Variants in ANKK1 observed in about 807,000 individuals in gnomAD.
ANKK1 encodes ankyrin repeat and kinase domain containing 1, also known as ankyrin repeat and protein kinase domain-containing protein 1.
ANKK1 carries 37 observed loss-of-function variants against 37.6 expected under a neutral mutation model. That is an observed-to-expected ratio of 0.98 (90% CI 0.76 to 1.29). The LOEUF is 1.29. Ranked by LOEUF, ANKK1 falls within the 50% of genes most tolerant of loss-of-function variation. The probability of loss-of-function intolerance (pLI) is 0.00; values close to 1 mark genes in which losing one functional copy is unlikely to be tolerated. For missense variants in ANKK1, 1,019 were observed against 990.6 expected (o/e 1.03, Z -0.39); for synonymous variants, 415 against 418.7 (o/e 0.99, Z 0.11).
intron 5 of ANKK1, among the ~76,000 whole-genome samples, chr11:113,396,795 C>A (rs567602432): frequency 6.6e-6 from 1 of 152,150 alleles, no homozygotes; most frequent in East Asian, 1.9e-4. Flanking sequence ...AAGGCAGAAG[C>A]CACAGCATCT....
intron 1 of ANKK1, among the ~76,000 whole-genome samples, chr11:113,392,295 C>A (rs1950593552): frequency 6.6e-6 from 1 of 152,186 alleles, no homozygotes; most frequent in Non-Finnish European, 1.5e-5. Flanking sequence ...CATGCCATGG[C>A]AGATGTCATT....
rs905718104 is a variant in ANKK1, at chr11:113,387,965, A to G, written c.81A>G (p.Leu27=). 6 of 1,575,020 alleles carry G rather than the reference A, an allele frequency of 3.8e-6. No individual in the cohort carries two copies. In the African/African-American group the frequency reaches 5.4e-5, roughly 14 times the overall value. ...ACGACTTCGAGGGCGACTGGCGCCT[A>G]GTGGCCAGCGGCGGCTTCAGCCAGG... ...TRDDFEGDWR[L]VASGGFSQVF... is the part of the protein sequence containing the mutation. The change falls in exon 1 of 8, where the codon CTA becomes CTG. Residue 27 remains leucine (L), a synonymous_variant. Transcript: ENST00000303941.
chr11:113,398,288 C>G (rs1202037755), intron 7 of ANKK1, among the ~76,000 whole-genome samples: 3 of 144,104 alleles, frequency 2.1e-5, no homozygotes, highest in Non-Finnish European at 4.5e-5. Context: ...TCAAGGCTGG[C>G]TGCATGTTAG....
At position 113,399,774 on chromosome 11, in the gene ANKK1, A is replaced by T; in HGVS notation, c.1805A>T (p.Tyr602Phe). ...TGGACACCCCTGCATCTAGCAGCCT[A>T]CAAGGGCCACCTGGAGATCATCCAT... ...QGWTPLHLAA[Y>F]KGHLEIIHLL... Residue 602 changes from tyrosine to phenylalanine, a missense_variant, in exon 8 of 8, where the codon TAC becomes TTC. By Grantham distance (22) the Tyr-to-Phe change is conservative (BLOSUM62 3). Transcript: ENST00000303941. The T allele has an allele frequency of 6.2e-7, 1 of 1,603,554 alleles. No individual in the cohort carries two copies. The highest frequency in any genetic ancestry group is 8.5e-7 in the Non-Finnish European group (1 of 1,175,292).
intron 1 of ANKK1, among the ~76,000 whole-genome samples, chr11:113,388,389 C>G (rs1051736727): frequency 6.6e-6 from 1 of 152,182 alleles, no homozygotes; most frequent in African/African-American, 2.4e-5. Context: ...TTCTCTCCAG[C>G]GCCTTCTTCC....
chr11:113,393,912 C>T (rs1950613988), intron 2 of ANKK1, 137 bp downstream of exon 2: 1 of 1,098,790 alleles, frequency 9.1e-7, no homozygotes, highest in Non-Finnish European at 1.3e-6. Context: ...AGGCAGGGAT[C>T]ACACTGCAAT....
chr11:113,391,294 C>A (rs1242686614), intron 1 of ANKK1, among the ~76,000 whole-genome samples: 4 of 152,250 alleles, frequency 2.6e-5, no homozygotes, highest in South Asian at 4.1e-4. Context: ...GCATTGGGGA[C>A]AAATCTTGTA....
At chr11:113,392,704 C>G (rs746064676) in intron 1 of ANKK1, among the ~76,000 whole-genome samples, 1 of 152,318 alleles carries the variant, frequency 6.6e-6, no homozygotes, top group Non-Finnish European at 1.5e-5. Context: ...CCTTAAGTTT[C>G]GACTTCTGTT....
chr11:113,400,203 AG>A lies in ANKK1; in HGVS notation c.2237del (p.Gly746AlafsTer?). 6.4e-7 allele frequency: 1 copy of A among 1,556,836 alleles called. No individual in the cohort carries two copies. The highest frequency in any genetic ancestry group is 8.7e-7 in the Non-Finnish European group (1 of 1,150,986). On this transcript the variant is annotated frameshift_variant, in exon 8 of 8. Transcript: ENST00000303941. LOFTEE classifies it low-confidence loss of function (END_TRUNC). ...SRKQGIMSFL[E>X]GKEPSVATLG... ...AAGCAGGGCATCATGTCCTTCCTAG[AG>A]GGCAAGGAGCCGTCAGTGGCCACTC...
At chr11:113,388,568 C>G (rs547885547) in intron 1 of ANKK1, among the ~76,000 whole-genome samples, 1 of 152,324 alleles carries the variant, frequency 6.6e-6, no homozygotes, top group East Asian at 1.9e-4. Flanking sequence ...AGGCCCCTCC[C>G]AATCAGTGCA....
chr11:113,397,896 T>C lies in ANKK1; in HGVS notation c.958-84T>C, dbSNP rs1398286249. The C allele has an allele frequency of 4.8e-6, 7 of 1,450,668 alleles. No homozygotes were observed. The African/African-American group carries it at 8.5e-5, about 18-fold the overall frequency. The allele number at this position is 1,450,668 out of a possible 1,614,324, so 89.9% of individuals were successfully genotyped here. On this transcript the variant is annotated intron_variant, in intron 6 of 7. Transcript: ENST00000303941. ...GAGTCCTGACAGTGACCGGGAAGGT[T>C]GGAGAGAGGGAAGGAGGGGAGGAGG...
At position 113,399,065 on chromosome 11, in the gene ANKK1, C is replaced by T. The variant is rs56339158; in HGVS notation, c.1096C>T (p.Leu366Phe). ...TATCTATGAGAACAAGGTCACCCCC[C>T]TCCACTTCCTGGTGGCCCAGGGCAG... is the stretch of plus-strand genomic sequence containing the variant. ...LCIYENKVTP[L>F]HFLVAQGSVE... The change falls in exon 8 of 8, where the codon CTC (leucine) becomes TTC (phenylalanine). Residue 366 changes from leucine to phenylalanine, a missense_variant. Physicochemically the swap from Leu to Phe is conservative, Grantham distance 22. Transcript: ENST00000303941. The T allele has an allele frequency of 4.9e-5, 79 of 1,603,150 alleles. No homozygotes were observed. In the East Asian group the frequency reaches 1.1e-3, roughly 22 times the overall value.
At chr11:113,395,442 A>G in intron 4 of ANKK1, 34 bp downstream of exon 4, 5 of 1,610,722 alleles carry the variant, frequency 3.1e-6, no homozygotes, top group Non-Finnish European at 4.2e-6. Flanking sequence ...TGTTGGGGGC[A>G]GGAGGACCCC....
At position 113,393,752 on chromosome 11, in the gene ANKK1, CT is replaced by C. The variant is rs759222838; in HGVS notation, c.458del (p.Leu153ArgfsTer79). 2 of 1,607,842 alleles carry C rather than the reference CT, an allele frequency of 1.2e-6. No homozygotes were observed. Among genetic ancestry groups the C allele is most frequent in the South Asian group, 2.2e-5 (2 of 90,946 alleles). On this transcript the variant is annotated frameshift_variant, in exon 2 of 8. Transcript: ENST00000303941. LOFTEE classifies it high-confidence loss of function. ...GGACCTCAAGCCGGGCAACATACTCCTGGACAGCAACATGCATGTCAAAGTA... is the reference window on the plus strand; with the variant it reads ...GGACCTCAAGCCGGGCAACATACTCCGGACAGCAACATGCATGTCAAAGTA... ...HLDLKPGNIL[L>X]DSNMHVKISD...
Position 113,387,845 on chromosome 11 carries a change from A to T in ANKK1, c.-40A>T. ...CTTCGGCCACCCAGGCAGCAGCCAC[A>T]GCGGGGAGTGCGCGGCGCGGGGACA... On this transcript the variant is annotated 5_prime_UTR_variant, in exon 1 of 8. Transcript: ENST00000303941. The T allele has an allele frequency of 1.4e-6, 2 of 1,458,096 alleles. No individual in the cohort carries two copies. The highest frequency in any genetic ancestry group is 1.4e-5 in the South Asian group (1 of 73,432). The allele number at this position is 1,458,096 out of a possible 1,614,324, so 90.3% of individuals were successfully genotyped here.
At chr11:113,388,487 G>C (rs1416091039) in intron 1 of ANKK1, among the ~76,000 whole-genome samples, 1 of 152,114 alleles carries the variant, frequency 6.6e-6, no homozygotes, top group Non-Finnish European at 1.5e-5. Flanking sequence ...TGAGCATCCT[G>C]GGAGGCTGTG....
chr11:113,399,517 G>T lies in ANKK1; in HGVS notation c.1548G>T (p.Gln516His), dbSNP rs530835710. 14 of 1,594,912 alleles carry T rather than the reference G, an allele frequency of 8.8e-6. No individual in the cohort carries two copies. In the African/African-American group the frequency reaches 1.7e-4, roughly 20 times the overall value. ...HVSLVKLLTSQGAELDAQQRN... is the reference protein window; with the variant it reads ...HVSLVKLLTSHGAELDAQQRN... ...GCCTGGTCAAGCTGCTGACCAGCCA[G>T]GGGGCTGAGTTGGATGCTCAGCAGA... Residue 516 changes from glutamine (Q) to histidine (H), a missense_variant, in exon 8 of 8, where the codon CAG (glutamine) becomes CAT (histidine). Physicochemically the swap from Gln to His is conservative, Grantham distance 24. Coordinates refer to ENST00000303941, the MANE Select transcript of ANKK1 (RefSeq NM_178510.2).
chr11:113,391,033 T>A (rs929273806), intron 1 of ANKK1, among the ~76,000 whole-genome samples: 1 of 152,212 alleles, frequency 6.6e-6, no homozygotes, highest in Admixed American at 6.5e-5. Flanking sequence ...GGAATGGGGT[T>A]GCTTTTTTAT....
rs1310513917 is a variant in ANKK1, at chr11:113,396,137, C to G, written c.753C>G (p.Asp251Glu). The change falls in exon 5 of 8, where the codon GAC (aspartate) becomes GAG (glutamate). Residue 251 changes from aspartate (D) to glutamate (E), a missense_variant. Transcript: ENST00000303941. ...GGCCCTCCCTACAGCCTGTCTCTGA[C>G]CAATGGCCAAGCGAGGCCCAGCAGA... ...GMRPSLQPVS[D>E]QWPSEAQQMV... The G allele has an allele frequency of 6.2e-7, 1 of 1,613,896 alleles. No individual in the cohort carries two copies. Among genetic ancestry groups the G allele is most frequent in the African/African-American group, 1.3e-5 (1 of 74,924 alleles).
Sources: allele counts gnomAD v4.1 joint callset (sites outside exome capture counted in the v4.1 genomes callset), GRCh38; gene constraint gnomAD v4.1.1; transcripts MANE v1.5; gene names NCBI Gene and HGNC (gene_info 2026-07-23, HGNC 2026-07-21).